Variants in CCDC12 observed in about 807,000 individuals in gnomAD.
CCDC12 encodes the protein coiled-coil domain containing 12, also known as coiled-coil domain-containing protein 12.
A neutral mutation model predicts 25.7 loss-of-function variants in CCDC12; 28 were observed. The observed-to-expected ratio is 1.09, with a 90% CI of 0.81 to 1.50. The LOEUF (loss-of-function observed/expected upper bound fraction) is 1.50, where lower values mean the gene tolerates loss of function less well. CCDC12 is among the 40% of genes most tolerant of loss of function. CCDC12 has a pLI of 0.00. For synonymous variants in CCDC12, 75 were observed against 87.7 expected (o/e 0.86, Z 0.81); for missense variants, 198 against 210.0 (o/e 0.94, Z 0.35).
chr3:46,948,066 A>G (rs2033973182), intron 1 of CCDC12, among the ~76,000 whole-genome samples: 1 of 152,200 alleles, frequency 6.6e-6, no homozygotes, highest in South Asian at 2.1e-4. Context: ...GGTCATGGGA[A>G]GCTCCCATGC....
At chr3:46,923,301 G>A (rs888937301) in intron 5 of CCDC12, 28 bp downstream of exon 5, 3 of 1,473,442 alleles carry the variant, frequency 2.0e-6, no homozygotes, top group African/African-American at 1.4e-5. Context: ...GAGTCAGCCT[G>A]CACCCGCCAC....
intron 2 of CCDC12, among the ~76,000 whole-genome samples, chr3:46,939,007 C>G (rs1014582554): frequency 1.3e-5 from 2 of 152,192 alleles, no homozygotes; most frequent in African/African-American, 4.8e-5. Context: ...GTATCACACG[C>G]CTGCTTCTTC....
At chr3:46,937,006 C>A (rs983683267) in intron 2 of CCDC12, among the ~76,000 whole-genome samples, 1 of 152,172 alleles carries the variant, frequency 6.6e-6, no homozygotes, top group Non-Finnish European at 1.5e-5. Flanking sequence ...AAGAGGAGGG[C>A]GCCCCCTCCA....
chr3:46,976,783 A>G, upstream of CCDC12: 1 of 1,560,572 alleles, frequency 6.4e-7, no homozygotes, highest in Non-Finnish European at 8.7e-7. Context: ...GCGCAGGCCT[A>G]AGGAGAGTGG....
intron 2 of CCDC12, among the ~76,000 whole-genome samples, chr3:46,935,007 A>G (rs910364519): frequency 6.6e-6 from 1 of 152,230 alleles, no homozygotes; most frequent in African/African-American, 2.4e-5. Context: ...CAGAGCAGAG[A>G]GGCCTGGCAT....
intron 2 of CCDC12, among the ~76,000 whole-genome samples, chr3:46,933,900 A>G (rs1433741617): frequency 6.6e-6 from 1 of 150,648 alleles, no homozygotes; most frequent in African/African-American, 2.4e-5. Context: ...AAAAAAATCT[A>G]TAATTTATGT....
intron 2 of CCDC12, among the ~76,000 whole-genome samples, chr3:46,927,804 C>T (rs183070428): frequency 6.6e-6 from 1 of 152,174 alleles, no homozygotes; most frequent in Non-Finnish European, 1.5e-5. Context: ...GTTGTGTGAT[C>T]GCGTGAAAAT....
chr3:46,941,055 T>C lies in CCDC12; in HGVS notation c.107A>G (p.Asp36Gly). The C allele has an allele frequency of 6.2e-7, 1 of 1,614,168 alleles. No individual in the cohort carries two copies. Among genetic ancestry groups the C allele is most frequent in the Non-Finnish European group, 8.5e-7 (1 of 1,180,024 alleles). Residue 36 changes from aspartate to glycine, a missense_variant, in exon 2 of 7, where the codon GAT becomes GGT. Transcript: ENST00000683445. The stretch of plus-strand genomic sequence containing the variant: ...GAGATGCTTGGTCTTTGGCTCCCCA[T>C]CTTCCTTGTCCTGCAAAGAAAGGGA... ...REKTGRKDKE[D>G]GEPKTKHLRE...
At chr3:46,979,710 G>C (rs2035165728), upstream of CCDC12, 2 of 309,200 alleles carry the variant, frequency 6.5e-6, no homozygotes, top group Admixed American at 1.0e-4. Context: ...CTGCGCCGCG[G>C]AGGCCACAGC....
chr3:46,963,718 G>A (rs1165206152), intron 1 of CCDC12, among the ~76,000 whole-genome samples: 6 of 152,242 alleles, frequency 3.9e-5, no homozygotes, highest in East Asian at 3.9e-4. Flanking sequence ...TCGGCCTCCC[G>A]AGGTGCCGGG....
chr3:46,981,875 C>T (rs2035370583), intron 1 of CCDC12: 1 of 152,392 alleles, frequency 6.6e-6, no homozygotes, highest in East Asian at 1.9e-4. Flanking sequence ...CCCATCCCCT[C>T]AGGAGGTGGT....
chr3:46,941,751 C>A (rs1403863575), intron 1 of CCDC12, among the ~76,000 whole-genome samples: 1 of 152,162 alleles, frequency 6.6e-6, no homozygotes, highest in Admixed American at 6.5e-5. Context: ...GACAGAACCA[C>A]CTGCTAAGCT....
intron 2 of CCDC12, chr3:46,940,766 G>C (rs1473223692): frequency 1.1e-5 from 6 of 569,140 alleles, no homozygotes; most frequent in Non-Finnish European, 1.9e-5. Context: ...GAAAGAAAAT[G>C]CTGGGGGCTG....
chr3:46,968,852 C>T (rs1409129994), intron 1 of CCDC12, among the ~76,000 whole-genome samples: 3 of 152,186 alleles, frequency 2.0e-5, no homozygotes, highest in Non-Finnish European at 2.9e-5. Flanking sequence ...GTGGGATGTT[C>T]CTTCAGCCCA....
intron 1 of CCDC12, among the ~76,000 whole-genome samples, chr3:46,946,862 C>T (rs1191372807): frequency 1.3e-5 from 2 of 152,110 alleles, no homozygotes; most frequent in Non-Finnish European, 2.9e-5. Flanking sequence ...AGGAATAAGC[C>T]CCTCCCTCTC....
chr3:46,921,919 G>C lies in CCDC12; in HGVS notation c.*138C>G. 1.2e-6 allele frequency: 1 copy of C among 858,788 alleles called. No homozygotes were observed. 53.2% of individuals were successfully genotyped at this position (858,788 alleles called of 1,614,324 possible). A position where few individuals can be genotyped will look rare whatever the true frequency, so the allele number is the denominator to read the frequency against. ...AGACAAGGAGCTGACCTCATCCATG[G>C]GGGTTTCAGACTTGATGGGCAGGGA... On this transcript the variant is annotated 3_prime_UTR_variant, in exon 7 of 7. Transcript: ENST00000683445.
chr3:46,952,943 C>T (rs578261415), intron 1 of CCDC12, among the ~76,000 whole-genome samples: 36 of 152,276 alleles, frequency 2.4e-4, no homozygotes, highest in African/African-American at 8.4e-4. Context: ...CCCTCTAGAA[C>T]CCCTGCCCTT....
intron 1 of CCDC12, among the ~76,000 whole-genome samples, chr3:46,949,925 G>A (rs1274484630): frequency 6.6e-6 from 1 of 151,914 alleles, no homozygotes; most frequent in Non-Finnish European, 1.5e-5. Flanking sequence ...TACTCGGGAG[G>A]CTGAGGCAGG....
At chr3:46,923,195 G>A (rs1559546246) in intron 5 of CCDC12, 134 bp downstream of exon 5, 1 of 921,990 alleles carries the variant, frequency 1.1e-6, no homozygotes, top group East Asian at 3.2e-5. Flanking sequence ...TCCAACAGTA[G>A]CTATCTCGTG....
Sources: gnomAD v4.1 joint callset for allele counts (sites outside exome capture counted in the v4.1 genomes callset) on GRCh38, gnomAD v4.1.1 for gene constraint, MANE v1.5 for transcripts, NCBI Gene and HGNC (gene_info 2026-07-23, HGNC 2026-07-21) for gene names.